NTMT2: variants seen among roughly 807,000 people sequenced by gnomAD.
The protein encoded by NTMT2 is X-Pro-Lys N-terminal protein methyltransferase 1B.
A neutral mutation model predicts 23.4 loss-of-function variants in NTMT2; 21 were observed. The ratio of observed to expected loss-of-function variants is 0.90; its 90% CI spans 0.64 to 1.29. NTMT2 has a LOEUF of 1.29. Among genes scored for constraint, NTMT2 ranks in the 50% most tolerant of loss-of-function variants. NTMT2 has a pLI of 0.00. For missense variants in NTMT2, 336 were observed against 352.0 expected (o/e 0.95, Z 0.36); for synonymous variants, 131 against 127.7 (o/e 1.03, Z -0.17).
chr1:170,160,595 G>T lies in NTMT2; in HGVS notation c.232G>T (p.Glu78Ter). Residue 78 changes from glutamate (E) to a stop codon, truncating the protein, a stop_gained, in exon 2 of 4, where the codon GAA becomes TAA. Transcript: ENST00000439373. LOFTEE classifies it high-confidence loss of function. ...FYARAKLFYQ[E>*]VPATEEGMMG... ...TGCCAGAGCTAAACTTTTCTACCAAGAAGTACCAGCCACAGAAGAGGGTAT... is the reference window on the plus strand; with the variant it reads ...TGCCAGAGCTAAACTTTTCTACCAATAAGTACCAGCCACAGAAGAGGGTAT... The T allele has an allele frequency of 6.4e-7, 1 of 1,551,562 alleles. No individual in the cohort carries two copies. Among genetic ancestry groups the T allele is most frequent in the Non-Finnish European group, 8.7e-7 (1 of 1,146,926 alleles).
Position 170,160,499 on chromosome 1 carries a change from A to G in NTMT2, c.155-19A>G, listed in dbSNP as rs1446040939. ...TATCTTATAAATATTAATACCTATT[A>G]ATAATGTTTCATTTGCAGTGAAATT... On this transcript the variant is annotated intron_variant, in intron 1 of 3. Coordinates refer to ENST00000439373, the MANE Select transcript of NTMT2 (RefSeq NM_001136107.2). 6.7e-7 allele frequency: 1 copy of G among 1,498,128 alleles called. No individual in the cohort carries two copies. The highest frequency in any genetic ancestry group is 1.4e-5 in the African/African-American group (1 of 70,556). 92.8% of individuals were successfully genotyped at this position (1,498,128 alleles called of 1,614,324 possible).
In NTMT2 at chr1:170,168,316, A is replaced by T. The variant is rs1009505383; in HGVS notation, c.*559A>T. 3.3e-5 allele frequency among the ~76,000 whole-genome samples: 5 copies of T among 150,880 alleles called. No homozygotes were observed. Among genetic ancestry groups the T allele is most frequent in the African/African-American group, 1.2e-4 (5 of 41,040 alleles). On this transcript the variant is annotated 3_prime_UTR_variant, in exon 4 of 4. Coordinates refer to ENST00000439373, the MANE Select transcript of NTMT2 (RefSeq NM_001136107.2). ...TGTTCCCTGATAATTAGTATTATAG[A>T]GTATTCTGGTGGGGGTGGGGGTAGG... is the stretch of plus-strand genomic sequence containing the variant.
At chr1:170,160,942 G>A (rs1673263476) in intron 2 of NTMT2, among the ~76,000 whole-genome samples, 2 of 152,278 alleles carry the variant, frequency 1.3e-5, no homozygotes, top group South Asian at 4.1e-4. Flanking sequence ...ACATGCTTCA[G>A]AGGAAGGTGA....
At chr1:170,150,052 T>A (rs1291276888) in intron 1 of NTMT2, among the ~76,000 whole-genome samples, 1 of 152,222 alleles carries the variant, frequency 6.6e-6, no homozygotes, top group Non-Finnish European at 1.5e-5. Context: ...AAAGTCCTTC[T>A]TTCAAAAAGG....
At chr1:170,150,560 C>T (rs1557904670) in intron 1 of NTMT2, among the ~76,000 whole-genome samples, 1 of 152,136 alleles carries the variant, frequency 6.6e-6, no homozygotes, top group African/African-American at 2.4e-5. Context: ...GATCTAACTC[C>T]ATGATCTTTT....
At chr1:170,166,309 T>TC (rs1673384598) in intron 2 of NTMT2, among the ~76,000 whole-genome samples, 193 bp from the exon 3 acceptor site, 1 of 143,454 alleles carries the variant, frequency 7.0e-6, no homozygotes, top group African/African-American at 2.6e-5. Context: ...CCGGCTAATT[T>TC]TTTTTGTATT....
At chr1:170,158,975 T>C (rs1673216109) in intron 1 of NTMT2, among the ~76,000 whole-genome samples, 1 of 152,122 alleles carries the variant, frequency 6.6e-6, no homozygotes, top group African/African-American at 2.4e-5. Context: ...ATTTTTGTTT[T>C]CTTTGAGGTC....
At chr1:170,148,754 G>A (rs551331616) in intron 1 of NTMT2, among the ~76,000 whole-genome samples, 10 of 152,274 alleles carry the variant, frequency 6.6e-5, no homozygotes, top group African/African-American at 2.4e-4. Context: ...GAGTTGTGGA[G>A]GGGAGGCTAT....
At chr1:170,166,125 C>CTTTTTTTTTTTT (rs1420113193) in intron 2 of NTMT2, among the ~76,000 whole-genome samples, 5 of 112,566 alleles carry the variant, frequency 4.4e-5, no homozygotes, top group Non-Finnish European at 6.9e-5. Flanking sequence ...AATTTTCTTT[C>CTTTTTTTTTTTT]TTTTTTTTTT....
intron 2 of NTMT2, among the ~76,000 whole-genome samples, chr1:170,163,562 C>A (rs1226950756): frequency 6.6e-6 from 1 of 152,184 alleles, no homozygotes; most frequent in African/African-American, 2.4e-5. Flanking sequence ...TTCATAAAAA[C>A]CCCTCAGTAT....
At chr1:170,153,652 A>C (rs991427490) in intron 1 of NTMT2, among the ~76,000 whole-genome samples, 1 of 152,252 alleles carries the variant, frequency 6.6e-6, no homozygotes, top group Non-Finnish European at 1.5e-5. Flanking sequence ...ATTTCTAAAC[A>C]GCAAAACATG....
Position 170,166,530 on chromosome 1 carries a change from C to A in NTMT2, c.359C>A (p.Ala120Asp). Residue 120 changes from alanine to aspartate, a missense_variant, in exon 3 of 4, where the codon GCC becomes GAC. Physicochemically the swap from Ala to Asp is moderately radical, Grantham distance 126. Coordinates refer to ENST00000439373, the MANE Select transcript of NTMT2 (RefSeq NM_001136107.2). The part of the protein sequence containing the change: ...GGPGRAGTDC[A>D]LDCGSGIGRV... ...CCTGGGAGAGCTGGAACAGACTGCG[C>A]CTTGGACTGCGGCTCCGGGATAGGA... 1.9e-6 allele frequency: 3 copies of A among 1,552,290 alleles called. No individual in the cohort carries two copies. Among genetic ancestry groups the A allele is most frequent in the Non-Finnish European group, 2.6e-6 (3 of 1,147,124 alleles).
chr1:170,157,828 A>C (rs1673193848), intron 1 of NTMT2: 1 of 152,098 alleles, frequency 6.6e-6, no homozygotes, highest in Non-Finnish European at 1.5e-5. Context: ...GTTTAGATTA[A>C]AAGTATGTCC....
chr1:170,164,043 A>T (rs1673324478), intron 2 of NTMT2, among the ~76,000 whole-genome samples: 1 of 147,984 alleles, frequency 6.8e-6, no homozygotes, highest in Non-Finnish European at 1.5e-5. Context: ...AATCACTTGA[A>T]CCCGGGAGGT....
intron 1 of NTMT2, among the ~76,000 whole-genome samples, chr1:170,152,708 T>TCCC (rs35829674): frequency 3.4e-5 from 5 of 148,444 alleles, no homozygotes; most frequent in African/African-American, 1.2e-4. Flanking sequence ...CACTGATAAA[T>TCCC]CCCCCCCCCA....
At chr1:170,164,931 G>T (rs148982856) in intron 2 of NTMT2, among the ~76,000 whole-genome samples, 2 of 152,080 alleles carry the variant, frequency 1.3e-5, no homozygotes, top group South Asian at 4.1e-4. Context: ...TATTCCATTT[G>T]GAAAGAAGTT....
intron 3 of NTMT2, 119 bp downstream of exon 3, chr1:170,166,870 GC>G: frequency 9.6e-7 from 1 of 1,038,528 alleles, no homozygotes; most frequent in Non-Finnish European, 1.4e-6. Flanking sequence ...CAGTTAGCTA[GC>G]CTTAGGTGTC....
At chr1:170,158,156 A>G (rs888357688) in intron 1 of NTMT2, 3 of 152,108 alleles carry the variant, frequency 2.0e-5, no homozygotes, top group Non-Finnish European at 1.5e-5. Context: ...TATGAAGTTT[A>G]GTTTCCAAAA....
intron 2 of NTMT2, 122 bp downstream of exon 2, chr1:170,160,815 C>T (rs1673261529): frequency 1.3e-6 from 1 of 767,194 alleles, no homozygotes; most frequent in Non-Finnish European, 2.0e-6. Flanking sequence ...AGTTCTGCCG[C>T]CTGCAAGCCG....
Sources: gnomAD v4.1 joint callset for allele counts (sites outside exome capture counted in the v4.1 genomes callset) on GRCh38, gnomAD v4.1.1 for gene constraint, MANE v1.5 for transcripts, NCBI Gene and HGNC (gene_info 2026-07-23, HGNC 2026-07-21) for gene names.